The following ZNF738 variants were observed in gnomAD, a reference collection of about 807,000 sequenced individuals.
The protein encoded by ZNF738 is protein ZNF738.
A neutral mutation model predicts 9.2 loss-of-function variants in ZNF738; 10 were observed. The ratio of observed to expected loss-of-function variants is 1.09; its 90% CI spans 0.67 to 1.85. The LOEUF (loss-of-function observed/expected upper bound fraction) is 1.85, where lower values mean the gene tolerates loss of function less well. Among genes scored for constraint, ZNF738 ranks in the 40% most tolerant of loss-of-function variants. The probability of loss-of-function intolerance (pLI) is 0.00; values close to 1 mark genes in which losing one functional copy is unlikely to be tolerated. For missense variants in ZNF738, 346 were observed against 283.6 expected (o/e 1.22, Z -1.58); for synonymous variants, 113 against 94.5 (o/e 1.20, Z -1.14).
chr19:21,367,817 T>G (rs1007677078), intron 2 of ZNF738, among the ~76,000 whole-genome samples: 1 of 152,208 alleles, frequency 6.6e-6, no homozygotes, highest in Non-Finnish European at 1.5e-5. Flanking sequence ...CTCCCAGGAC[T>G]AGGCACCACC....
chr19:21,359,252 C>A lies in ZNF738; in HGVS notation c.3+109C>A, dbSNP rs921087669. On this transcript the variant is annotated intron_variant, in intron 1 of 4. Coordinates refer to ENST00000683779, the MANE Select transcript of ZNF738 (RefSeq NM_001355237.2). The stretch of plus-strand genomic sequence containing the variant: ...TCCCCGCAGTCAGCTCTACAATCTG[C>A]GCCCCGAGTTCTCCTTGCCCAGCTC... 3.6e-6 allele frequency: 3 copies of A among 834,330 alleles called. No individual in the cohort carries two copies. The Admixed American group carries it at 5.2e-5, about 14-fold the overall frequency. The allele number at this position is 834,330 out of a possible 1,614,324, so 51.7% of individuals were successfully genotyped here. A position where few individuals can be genotyped will look rare whatever the true frequency, so the allele number is the denominator to read the frequency against.
chr19:21,383,187 G>T lies in ZNF738; in HGVS notation c.641G>T (p.Cys214Phe). The T allele has an allele frequency of 1.9e-6, 3 of 1,601,110 alleles. No homozygotes were observed. Among genetic ancestry groups the T allele is most frequent in the African/African-American group, 1.3e-5 (1 of 74,782 alleles). The change falls in exon 5 of 5, where the codon TGC (cysteine) becomes TTC (phenylalanine). Residue 214 changes from cysteine to phenylalanine, a missense_variant. By Grantham distance (205) the Cys-to-Phe change is radical (BLOSUM62 -2). Transcript: ENST00000683779. ...TGTAAAAAATGTGGCAAATCATTTT[G>T]CATGCTTTTACACCTAGGTCAACAT... ...FKCKKCGKSF[C>F]MLLHLGQHKI...
chr19:21,380,201 A>G (rs1973986864), intron 4 of ZNF738, among the ~76,000 whole-genome samples: 1 of 152,230 alleles, frequency 6.6e-6, no homozygotes, highest in African/African-American at 2.4e-5. Flanking sequence ...TACAAACCAT[A>G]GTTTCAAAGA....
At chr19:21,367,889 G>T (rs1973805720) in intron 2 of ZNF738, among the ~76,000 whole-genome samples, 1 of 152,170 alleles carries the variant, frequency 6.6e-6, no homozygotes, top group South Asian at 2.1e-4. Flanking sequence ...ACGCAAAAGT[G>T]TCTACAACTC....
At chr19:21,361,693 C>T (rs759010755) in intron 1 of ZNF738, 73 bp from the exon 2 acceptor site, 179 of 755,372 alleles carry the variant, frequency 2.4e-4, no homozygotes, top group South Asian at 1.2e-3. Context: ...GGGGATAAAC[C>T]GAGATATCTG....
chr19:21,361,703 G>A, intron 1 of ZNF738, 63 bp from the exon 2 acceptor site: 1 of 768,412 alleles, frequency 1.3e-6, no homozygotes, highest in Non-Finnish European at 2.4e-6. Context: ...CGAGATATCT[G>A]CCATGGTTAT....
intron 2 of ZNF738, among the ~76,000 whole-genome samples, chr19:21,367,960 A>G (rs1973807092): frequency 6.6e-6 from 1 of 152,224 alleles, no homozygotes; most frequent in South Asian, 2.1e-4. Flanking sequence ...ACCTAGCATT[A>G]TGGAGCACCT....
At chr19:21,369,398 A>C (rs1266803952) in intron 2 of ZNF738, among the ~76,000 whole-genome samples, 1 of 152,168 alleles carries the variant, frequency 6.6e-6, no homozygotes, top group African/African-American at 2.4e-5. Context: ...AGCGTGAGCC[A>C]CCTCATGCTA....
Position 21,388,444 on chromosome 19 carries a change from T to C in ZNF738, c.*4770T>C, listed in dbSNP as rs950747890. Among the ~76,000 whole-genome samples, 1 of 152,208 alleles carries C rather than the reference T, an allele frequency of 6.6e-6. No individual in the cohort carries two copies. The highest frequency in any genetic ancestry group is 2.4e-5 in the African/African-American group (1 of 41,476). ...GGAGAGGTTCTTTGTGGTTAACTTA[T>C]ACTCTTGAGTGATATATGAGGTAGG... is the stretch of plus-strand genomic sequence containing the variant. On this transcript the variant is annotated 3_prime_UTR_variant, in exon 5 of 5. Coordinates refer to ENST00000683779, the MANE Select transcript of ZNF738 (RefSeq NM_001355237.2).
chr19:21,365,040 G>A (rs1394203631), intron 2 of ZNF738, among the ~76,000 whole-genome samples: 1 of 151,048 alleles, frequency 6.6e-6, no homozygotes, highest in Non-Finnish European at 1.5e-5. Flanking sequence ...TTACAGGCAT[G>A]AGCCACTGCA....
rs1395903796 is a variant in ZNF738, at chr19:21,385,866, T to C, written c.*2192T>C. On this transcript the variant is annotated 3_prime_UTR_variant, in exon 5 of 5. Transcript: ENST00000683779. ...AGAAATTCTACAAATGTGAAGAATG[T>C]GGCAAAGGCTTTAATTTGTCCTCAA... 6.6e-6 allele frequency among the ~76,000 whole-genome samples: 1 copy of C among 152,150 alleles called. No homozygotes were observed. Among genetic ancestry groups the C allele is most frequent in the African/African-American group, 2.4e-5 (1 of 41,428 alleles).
chr19:21,366,230 T>C (rs1349577646), intron 2 of ZNF738, among the ~76,000 whole-genome samples: 1 of 152,150 alleles, frequency 6.6e-6, no homozygotes, highest in Non-Finnish European at 1.5e-5. Flanking sequence ...AACCAGTTCT[T>C]AGTTGAGACT....
chr19:21,380,589 G>A (rs1020572726), intron 4 of ZNF738, among the ~76,000 whole-genome samples: 2 of 152,154 alleles, frequency 1.3e-5, no homozygotes, highest in Non-Finnish European at 2.9e-5. Context: ...ACATAAGGTG[G>A]CAAAAGAAAT....
In ZNF738 at chr19:21,361,893, C is replaced by A. The variant is rs570809583; in HGVS notation, c.96+35C>A. ...TGATATGTTAAAATTGTCTTTGGGACCAGCTTGAAAAACATGCTCTACTAA... is the reference window on the plus strand; with the variant it reads ...TGATATGTTAAAATTGTCTTTGGGAACAGCTTGAAAAACATGCTCTACTAA... On this transcript the variant is annotated intron_variant, in intron 2 of 4. Coordinates refer to ENST00000683779, the MANE Select transcript of ZNF738 (RefSeq NM_001355237.2). The A allele has an allele frequency of 9.3e-6, 7 of 754,618 alleles. No homozygotes were observed. In the East Asian group the frequency reaches 1.5e-4, roughly 16 times the overall value. The allele number at this position is 754,618 out of a possible 1,614,324, so 46.7% of individuals were successfully genotyped here. A position where few individuals can be genotyped will look rare whatever the true frequency, so the allele number is the denominator to read the frequency against.
At position 21,379,742 on chromosome 19, in the gene ZNF738, A is replaced by G. The variant is rs114730157; in HGVS notation, c.320-3124A>G. 6.5e-3 allele frequency among the ~76,000 whole-genome samples: 988 copies of G among 152,176 alleles called. 14 individuals carry two copies. The highest frequency in any genetic ancestry group is 0.023 in the African/African-American group (940 of 41,524). On this transcript the variant is annotated intron_variant, in intron 4 of 4. Transcript: ENST00000683779. ...CCACATTTTTTTAATTGACACCTCAATCTCTACATACATACAGTATTGCAC... is the reference window on the plus strand; with the variant it reads ...CCACATTTTTTTAATTGACACCTCAGTCTCTACATACATACAGTATTGCAC...
rs1052776007 is a variant in ZNF738, at chr19:21,384,626, C to G, written c.*952C>G. 1.3e-5 allele frequency among the ~76,000 whole-genome samples: 2 copies of G among 151,996 alleles called. No individual in the cohort carries two copies. Among genetic ancestry groups the G allele is most frequent in the African/African-American group, 2.4e-5 (1 of 41,376 alleles). ...GCAAAGCTTTTTAAAAATCCTCAAA[C>G]CTTACTAATCATAAGATAACTCATA... On this transcript the variant is annotated 3_prime_UTR_variant, in exon 5 of 5. Transcript: ENST00000683779.
In ZNF738 at chr19:21,376,909, G is replaced by A. The variant is rs539054562; in HGVS notation, c.319+945G>A. 5.3e-5 allele frequency among the ~76,000 whole-genome samples: 8 copies of A among 152,014 alleles called. No individual in the cohort carries two copies. The East Asian group carries it at 7.7e-4, about 15-fold the overall frequency. On this transcript the variant is annotated intron_variant, in intron 4 of 4. Transcript: ENST00000683779. ...AAATTTAACAAATTTTTATGACTCC[G>A]TTTTTGGCCTAACAGGTGGTCTATC... is the stretch of plus-strand genomic sequence containing the variant.
rs1004668693 is a variant in ZNF738 at position 21,383,352 on chromosome 19, T to G, written c.806T>G (p.Phe269Cys). The G allele has an allele frequency of 8.3e-6, 10 of 1,201,470 alleles. No individual in the cohort carries two copies. The Admixed American group carries it at 1.9e-4, about 23-fold the overall frequency. The allele number at this position is 1,201,470 out of a possible 1,614,324, so 74.4% of individuals were successfully genotyped here. A position where few individuals can be genotyped will look rare whatever the true frequency, so the allele number is the denominator to read the frequency against. Reference sequence around the variant, plus strand: ...AAACATGAAGAATGTGGAAAAGGTTTTAACCACTCCACAACTCTTACTAGA... The same window carrying G: ...AAACATGAAGAATGTGGAAAAGGTTGTAACCACTCCACAACTCTTACTAGA... ...SYKHEECGKG[F>C]NHSTTLTRHK... is the part of the protein sequence containing the mutation. Residue 269 changes from phenylalanine (F) to cysteine (C), a missense_variant, in exon 5 of 5, where the codon TTT becomes TGT. Physicochemically the swap from Phe to Cys is radical, Grantham distance 205 (BLOSUM62 -2). Transcript: ENST00000683779.
rs1568367655 is a variant in ZNF738 at position 21,368,483 on chromosome 19, G to A, written c.96+6625G>A. Among the ~76,000 whole-genome samples the A allele has an allele frequency of 4.6e-5, 7 of 150,964 alleles. No individual in the cohort carries two copies. In the South Asian group the frequency reaches 1.3e-3, roughly 27 times the overall value. ...TCTTTTTTTTTCTTTTTTTTGAGAC[G>A]TAGTTCTGCTCTTGTTGTCCAGGCT... On this transcript the variant is annotated intron_variant, in intron 2 of 4. Transcript: ENST00000683779.
Sources: allele counts gnomAD v4.1 joint callset (sites outside exome capture counted in the v4.1 genomes callset), GRCh38; gene constraint gnomAD v4.1.1; transcripts MANE v1.5; gene names NCBI Gene and HGNC (gene_info 2026-07-23, HGNC 2026-07-21).